The following VPS11 variants were observed in gnomAD, a reference collection of about 807,000 sequenced individuals.
VPS11 encodes vacuolar protein sorting-associated protein 11 homolog.
In VPS11, 51 loss-of-function variants were observed where a neutral mutation model predicts 106.8. That is an observed-to-expected ratio of 0.48 (90% CI 0.38 to 0.60). The LOEUF (loss-of-function observed/expected upper bound fraction) is 0.60, where lower values mean the gene tolerates loss of function less well. VPS11 is among the 20% of genes least tolerant of loss of function. VPS11 has a pLI of 0.00. For missense variants in VPS11, 950 were observed against 1,190.0 expected (o/e 0.80, Z 2.97); for synonymous variants, 453 against 458.7 (o/e 0.99, Z 0.16).
At chr11:119,073,043 C>A in intron 5 of VPS11, 155 bp from the exon 6 acceptor site, 1 of 786,714 alleles carries the variant, frequency 1.3e-6, no homozygotes, top group Non-Finnish European at 2.0e-6. Context: ...TCTCTATGTA[C>A]AACTACCGGC....
intron 11 of VPS11, 114 bp downstream of exon 11, chr11:119,078,448 C>A: frequency 6.4e-7 from 1 of 1,567,372 alleles, no homozygotes; most frequent in Non-Finnish European, 8.6e-7. Context: ...TACCTCGGGG[C>A]TCAATGGTCC....
rs1945408545 is a variant in VPS11 at position 119,071,903 on chromosome 11, G to A, written c.884+60G>A. ...TGGACTTGTTCCCCAGAATCCGCCT[G>A]ATTTTAAAATCCTAATGCCTGGATA... On this transcript the variant is annotated intron_variant, in intron 5 of 15. Coordinates refer to ENST00000621676, the MANE Select transcript of VPS11 (RefSeq NM_021729.6). 5.1e-6 allele frequency: 8 copies of A among 1,570,256 alleles called. No homozygotes were observed. The Admixed American group carries it at 1.4e-4, about 28-fold the overall frequency.
At chr11:119,072,880 T>C in intron 5 of VPS11, 1 of 273,098 alleles carries the variant, frequency 3.7e-6, no homozygotes, top group South Asian at 5.1e-5. Context: ...CTGGTTTGTT[T>C]TGCTTTCATT....
At chr11:119,080,221 G>A (rs1362946302) in intron 14 of VPS11, among the ~76,000 whole-genome samples, 1 of 151,794 alleles carries the variant, frequency 6.6e-6, no homozygotes, top group Non-Finnish European at 1.5e-5. Context: ...ACCATGCCTG[G>A]CTAATTTTTG....
In VPS11 at chr11:119,078,604, A is replaced by T. The variant is rs1422377168; in HGVS notation, c.1963A>T (p.Lys655Ter). Residue 655 changes from lysine to a stop codon, truncating the protein, a stop_gained, in exon 12 of 16, where the codon AAG becomes TAG. Coordinates refer to ENST00000621676, the MANE Select transcript of VPS11 (RefSeq NM_021729.6). LOFTEE classifies it high-confidence loss of function. ...KLHAEAISLL[K>*]SGRFCDVFDK... ...TCACGCAGAGGCCATTTCCCTGCTG[A>T]AGAGTGGTCGCTTCTGCGACGTCTT... 1.2e-6 allele frequency: 2 copies of T among 1,613,730 alleles called. No homozygotes were observed. The highest frequency in any genetic ancestry group is 1.7e-6 in the Non-Finnish European group (2 of 1,179,644).
Position 119,067,873 on chromosome 11 carries a change from T to TG in VPS11, c.52dup (p.Val18GlyfsTer8). On this transcript the variant is annotated frameshift_variant, in exon 1 of 16. Transcript: ENST00000621676. LOFTEE classifies it high-confidence loss of function. ...CGCTTCGTTTTCTTCGACAAGGAGC[T>TG]GGTGAAGGAGCCGCTGAGCAATGAT... 1 of 1,575,800 alleles carries TG rather than the reference T, an allele frequency of 6.3e-7. No individual in the cohort carries two copies. Among genetic ancestry groups the TG allele is most frequent in the Non-Finnish European group, 8.6e-7 (1 of 1,160,340 alleles).
chr11:119,073,178 G>C lies in VPS11; in HGVS notation c.885-20G>C. ...AGACAGAGATGTCCAAACATCTGGT[G>C]CTTTTTCTTTCCTATGCAGGTCAGA... On this transcript the variant is annotated intron_variant, in intron 5 of 15. Coordinates refer to ENST00000621676, the MANE Select transcript of VPS11 (RefSeq NM_021729.6). 1 of 1,602,978 alleles carries C rather than the reference G, an allele frequency of 6.2e-7. No homozygotes were observed.
At chr11:119,074,580 T>C (rs1945528633) in intron 7 of VPS11, among the ~76,000 whole-genome samples, 2 of 152,146 alleles carry the variant, frequency 1.3e-5, no homozygotes, top group African/African-American at 4.8e-5. Context: ...ATTTTTTGTA[T>C]TTTTAGTAGA....
chr11:119,069,163 C>G (rs140631972), intron 1 of VPS11, 33 bp from the exon 2 acceptor site: 1 of 1,612,124 alleles, frequency 6.2e-7, no homozygotes, highest in East Asian at 2.2e-5. Flanking sequence ...AAGTATCTCT[C>G]CTTGGAAAGG....
At chr11:119,077,160 C>T in intron 8 of VPS11, 77 bp downstream of exon 8, 2 of 1,527,208 alleles carry the variant, frequency 1.3e-6, no homozygotes, top group Non-Finnish European at 1.8e-6. Flanking sequence ...TTGTTCGTTT[C>T]AGCAAGACAT....
intron 7 of VPS11, among the ~76,000 whole-genome samples, chr11:119,075,521 A>G (rs1945572326): frequency 6.8e-6 from 1 of 147,296 alleles, no homozygotes; most frequent in Admixed American, 6.9e-5. Context: ...CCTGGCCAAC[A>G]TGGTGAAACC....
At chr11:119,076,836 G>A in intron 7 of VPS11, 61 bp from the exon 8 acceptor site, 1 of 1,577,622 alleles carries the variant, frequency 6.3e-7, no homozygotes, top group Non-Finnish European at 8.7e-7. Flanking sequence ...AGTGATTCCT[G>A]TGTACATGAG....
intron 13 of VPS11, 43 bp downstream of exon 13, chr11:119,079,040 C>G: frequency 6.2e-7 from 1 of 1,612,706 alleles, no homozygotes; most frequent in Non-Finnish European, 8.5e-7. Context: ...CTGCTGACAG[C>G]TGGGCTCTGT....
Position 119,078,045 on chromosome 11 carries a change from TAGGG to T in VPS11, c.1744_1747del (p.Glu582ProfsTer22). On this transcript the variant is annotated frameshift_variant, in exon 10 of 16. Transcript: ENST00000621676. LOFTEE classifies it high-confidence loss of function. ...GGCCCAGCCTCGAAGGCCGCAGCGA[TAGGG>T]AGGCCCCAGGCTGCAGGGTGAGGCT... 1 of 1,611,798 alleles carries T rather than the reference TAGGG, an allele frequency of 6.2e-7. No homozygotes were observed. Among genetic ancestry groups the T allele is most frequent in the Non-Finnish European group, 8.5e-7 (1 of 1,179,874 alleles).
intron 8 of VPS11, 80 bp downstream of exon 8, chr11:119,077,163 C>T: frequency 1.3e-6 from 2 of 1,518,478 alleles, no homozygotes; most frequent in East Asian, 2.4e-5. Flanking sequence ...TTCGTTTCAG[C>T]AAGACATAGG....
intron 11 of VPS11, 41 bp from the exon 12 acceptor site, chr11:119,078,524 T>G: frequency 1.9e-6 from 3 of 1,597,886 alleles, no homozygotes; most frequent in Non-Finnish European, 2.6e-6. Flanking sequence ...CCTTGTGATT[T>G]TCCCCTTTTG....
rs1945857888 is a variant in VPS11 at position 119,081,674 on chromosome 11, C to A, written c.*51C>A. ...CAGTGGAGGACCAAGAGAACAGACA[C>A]AATGGGACCTGGGCGGGCGTTACAC... On this transcript the variant is annotated 3_prime_UTR_variant, in exon 16 of 16. Coordinates refer to ENST00000621676, the MANE Select transcript of VPS11 (RefSeq NM_021729.6). 1.3e-6 allele frequency: 2 copies of A among 1,598,930 alleles called. No homozygotes were observed. Among genetic ancestry groups the A allele is most frequent in the African/African-American group, 2.7e-5 (2 of 74,610 alleles).
chr11:119,077,739 C>T, intron 9 of VPS11, 92 bp downstream of exon 9: 1 of 1,538,168 alleles, frequency 6.5e-7, no homozygotes, highest in South Asian at 1.2e-5. Context: ...GATCCTCCCA[C>T]CCCATCCTCC....
Position 119,068,443 on chromosome 11 carries a change from C to CTTTTTTTTTTTTTTTTTTTTTTTTTTTT in VPS11, c.187+433_187+434insTTTTTTTTTTTTTTTTTTTTTTTTTTTT, listed in dbSNP as rs1945208004. On this transcript the variant is annotated intron_variant, in intron 1 of 15. Coordinates refer to ENST00000621676, the MANE Select transcript of VPS11 (RefSeq NM_021729.6). ...CTGCTACTAAATTCTGGCCTTTTTA[C>CTTTTTTTTTTTTTTTTTTTTTTTTTTTT]CTTTTTTTTTTTTTTTTTTTTTTTG... is the stretch of plus-strand genomic sequence containing the variant. Among the ~76,000 whole-genome samples, 9 of 35,796 alleles carry CTTTTTTTTTTTTTTTTTTTTTTTTTTTT rather than the reference C, an allele frequency of 2.5e-4. 4 individuals carry two copies. The highest frequency in any genetic ancestry group is 2.3e-4 in the African/African-American group (4 of 17,272). The allele number at this position is 35,796 out of a possible 152,430, so 23.5% of individuals were successfully genotyped here.
Sources: allele counts gnomAD v4.1 joint callset (sites outside exome capture counted in the v4.1 genomes callset), GRCh38; gene constraint gnomAD v4.1.1; transcripts MANE v1.5; gene names NCBI Gene and HGNC (gene_info 2026-07-23, HGNC 2026-07-21).